The following GRIN2A variants were observed in gnomAD, a reference collection of about 807,000 sequenced individuals.
The protein encoded by GRIN2A is glutamate receptor ionotropic, NMDA 2A.
Under a neutral mutation model 113.4 loss-of-function variants are expected in GRIN2A, and 22 were observed. That is an observed-to-expected ratio of 0.19 (90% CI 0.14 to 0.28). GRIN2A has a LOEUF of 0.28. Among genes scored for constraint, GRIN2A ranks in the 10% least tolerant of loss-of-function variants. GRIN2A has a pLI of 1.00. For synonymous variants in GRIN2A, 827 were observed against 738.4 expected, an observed-to-expected ratio of 1.12 and a Z score of -1.94; for missense variants, 1,502 against 1,887.0, an observed-to-expected ratio of 0.80 and a Z score of 3.78.
chr16:9,904,663 G>A lies in GRIN2A; in HGVS notation c.1008-13563C>T, dbSNP rs79716389. ...GCTGGGATTACAAGGGTGAGCCACC[G>A]TGCCTGGCTCTTCCTCTTTTTATAA... On this transcript the variant is annotated intron_variant, in intron 3 of 12. Transcript: ENST00000330684. 8.0e-3 allele frequency among the ~76,000 whole-genome samples: 1,224 copies of A among 152,200 alleles called. 18 individuals are homozygous for A. Among genetic ancestry groups the A allele is most frequent in the African/African-American group, 0.028 (1,150 of 41,520 alleles).
intron 2 of GRIN2A, among the ~76,000 whole-genome samples, chr16:10,036,761 A>G (rs1315846617): frequency 2.0e-5 from 3 of 151,646 alleles, no homozygotes; most frequent in Non-Finnish European, 2.9e-5. Context: ...TATTTTTTTT[A>G]AGATTGTATG....
intron 2 of GRIN2A, among the ~76,000 whole-genome samples, chr16:10,008,511 C>G (rs1004078633): frequency 6.6e-6 from 1 of 152,102 alleles, no homozygotes; most frequent in African/African-American, 2.4e-5. Context: ...GACCAAAGAC[C>G]GGACCCATGA....
At chr16:10,076,099 C>T (rs549687496) in intron 2 of GRIN2A, among the ~76,000 whole-genome samples, 5 of 152,208 alleles carry the variant, frequency 3.3e-5, no homozygotes, top group African/African-American at 1.2e-4. Context: ...TCCTTAGGAT[C>T]GGACATAGGG....
At chr16:10,173,098 G>A (rs2050075151) in intron 2 of GRIN2A, among the ~76,000 whole-genome samples, 1 of 152,196 alleles carries the variant, frequency 6.6e-6, no homozygotes, top group Non-Finnish European at 1.5e-5. Flanking sequence ...ACGCTACCGG[G>A]AGGACGCCTG....
chr16:9,899,164 C>T (rs147703378), intron 3 of GRIN2A, among the ~76,000 whole-genome samples: 12 of 152,170 alleles, frequency 7.9e-5, no homozygotes, highest in Admixed American at 3.3e-4. Context: ...GAAGGCCAGG[C>T]GCGGTGGCTC....
intron 10 of GRIN2A, among the ~76,000 whole-genome samples, chr16:9,803,904 T>G (rs1596439142): frequency 1.3e-5 from 2 of 151,878 alleles, no homozygotes; most frequent in South Asian, 2.1e-4. Context: ...AGATGGGGGG[T>G]TTTAGCTATA....
At chr16:10,022,662 CAG>C (rs2046747770) in intron 2 of GRIN2A, among the ~76,000 whole-genome samples, 1 of 152,216 alleles carries the variant, frequency 6.6e-6, no homozygotes, top group South Asian at 2.1e-4. Flanking sequence ...ACTTAGCACA[CAG>C]TTGACATTTT....
At chr16:10,090,610 G>A (rs1379738634) in intron 2 of GRIN2A, among the ~76,000 whole-genome samples, 1 of 151,550 alleles carries the variant, frequency 6.6e-6, no homozygotes, top group Non-Finnish European at 1.5e-5. Flanking sequence ...AAACCATCAT[G>A]TCCTTGGGTT....
At chr16:9,910,534 G>GTTTTTTT (rs2044112532) in intron 3 of GRIN2A, among the ~76,000 whole-genome samples, 1 of 138,824 alleles carries the variant, frequency 7.2e-6, no homozygotes, top group African/African-American at 2.7e-5. Context: ...AAGTCTCAGA[G>GTTTTTTT]TTCTTTTTTT....
At chr16:9,790,974 A>G (rs764597667) in intron 11 of GRIN2A, among the ~76,000 whole-genome samples, 7 of 152,332 alleles carry the variant, frequency 4.6e-5, no homozygotes, top group Middle Eastern at 6.8e-3. Flanking sequence ...AGAGGCCAAC[A>G]ATGGCATCTA....
intron 7 of GRIN2A, among the ~76,000 whole-genome samples, chr16:9,836,436 C>CTGAATT (rs2042584768): frequency 6.6e-6 from 1 of 152,220 alleles, no homozygotes; most frequent in African/African-American, 2.4e-5. Flanking sequence ...GGGACCATAA[C>CTGAATT]TGAATTATCC....
intron 10 of GRIN2A, among the ~76,000 whole-genome samples, chr16:9,816,505 A>G (rs1431479301): frequency 6.6e-6 from 1 of 152,188 alleles, no homozygotes; most frequent in Admixed American, 6.5e-5. Context: ...ATTAAAAGAA[A>G]AACACAAACT....
At chr16:9,819,518 T>C (rs1338457586) in intron 10 of GRIN2A, among the ~76,000 whole-genome samples, 1 of 147,286 alleles carries the variant, frequency 6.8e-6, no homozygotes, top group Non-Finnish European at 1.5e-5. Flanking sequence ...TGAGACCCTG[T>C]CTGAAAAAAA....
intron 2 of GRIN2A, among the ~76,000 whole-genome samples, chr16:10,012,259 T>C (rs1343999963): frequency 1.3e-5 from 2 of 152,238 alleles, no homozygotes; most frequent in Admixed American, 6.5e-5. Context: ...GAACTGATTA[T>C]GTGACATCCT....
intron 2 of GRIN2A, among the ~76,000 whole-genome samples, chr16:10,014,942 T>A (rs1012727830): frequency 6.6e-6 from 1 of 152,080 alleles, no homozygotes; most frequent in Non-Finnish European, 1.5e-5. Flanking sequence ...CATTAGAAGG[T>A]TGTTATAATC....
intron 2 of GRIN2A, among the ~76,000 whole-genome samples, chr16:10,130,460 CCT>C (rs1345342679): frequency 2.6e-5 from 4 of 152,158 alleles, no homozygotes; most frequent in Non-Finnish European, 2.9e-5. Flanking sequence ...CCGAACATCC[CCT>C]GAGTAGGCAG....
At chr16:9,889,963 TC>T (rs1388572072) in intron 4 of GRIN2A, among the ~76,000 whole-genome samples, 1 of 152,138 alleles carries the variant, frequency 6.6e-6, no homozygotes, top group Non-Finnish European at 1.5e-5. Flanking sequence ...TTCCTAAGCT[TC>T]CTCCTCACTG....
intron 2 of GRIN2A, among the ~76,000 whole-genome samples, chr16:10,080,862 C>A (rs1596485506): frequency 1.3e-5 from 2 of 152,112 alleles, no homozygotes; most frequent in South Asian, 4.2e-4. Context: ...AAAGTGTTTC[C>A]CAGCCACATC....
At chr16:10,141,815 C>G (rs2049331687) in intron 2 of GRIN2A, among the ~76,000 whole-genome samples, 1 of 152,144 alleles carries the variant, frequency 6.6e-6, no homozygotes. Flanking sequence ...AATGAGATAC[C>G]AGAGCTCAGA....
Sources: gnomAD v4.1 joint callset for allele counts (sites outside exome capture counted in the v4.1 genomes callset) on GRCh38, gnomAD v4.1.1 for gene constraint, MANE v1.5 for transcripts, NCBI Gene and HGNC (gene_info 2026-07-23, HGNC 2026-07-21) for gene names.